The following BMP5 variants were observed in gnomAD, a reference collection of about 807,000 sequenced individuals.
BMP5 encodes bone morphogenetic protein 5.
Under a neutral mutation model 46.6 loss-of-function variants are expected in BMP5, and 23 were observed. The observed-to-expected ratio is 0.49, with a 90% CI of 0.35 to 0.70. The LOEUF (loss-of-function observed/expected upper bound fraction) is 0.70, where lower values mean the gene tolerates loss of function less well. Among genes scored for constraint, BMP5 ranks in the 30% least tolerant of loss-of-function variants. The pLI is 0.00. For synonymous variants in BMP5, 204 were observed against 191.9 expected, an observed-to-expected ratio of 1.06 and a Z score of -0.52; for missense variants, 545 against 565.6, an observed-to-expected ratio of 0.96 and a Z score of 0.37.
chr6:55,811,090 G>A (rs1776124801), intron 2 of BMP5, among the ~76,000 whole-genome samples: 1 of 152,200 alleles, frequency 6.6e-6, no homozygotes, highest in Non-Finnish European at 1.5e-5. Context: ...CCATCTGAGT[G>A]TCCTGTTCTG....
At chr6:55,846,352 G>T (rs551621441) in intron 1 of BMP5, among the ~76,000 whole-genome samples, 2 of 151,824 alleles carry the variant, frequency 1.3e-5, no homozygotes, top group Non-Finnish European at 2.9e-5. Context: ...TATTTTATTT[G>T]GTGTTATTGA....
At chr6:55,806,497 T>C (rs183969893) in intron 2 of BMP5, among the ~76,000 whole-genome samples, 75 of 152,286 alleles carry the variant, frequency 4.9e-4, no homozygotes, top group Non-Finnish European at 9.3e-4. Flanking sequence ...TGAAGTTAGG[T>C]AGCATGATGC....
At chr6:55,810,097 C>T (rs2127534887) in intron 2 of BMP5, among the ~76,000 whole-genome samples, 1 of 152,166 alleles carries the variant, frequency 6.6e-6, no homozygotes. Flanking sequence ...TTCAAAGTTT[C>T]CCTCATCAGC....
In BMP5 at chr6:55,820,717, G is replaced by GTTGTTTGT. The variant is rs3065793; in HGVS notation, c.491-878_491-871dup. Among the ~76,000 whole-genome samples, 911 of 151,348 alleles carry GTTGTTTGT rather than the reference G, an allele frequency of 6.0e-3. 6 individuals carry two copies. Among genetic ancestry groups the GTTGTTTGT allele is most frequent in the African/African-American group, 0.016 (666 of 41,020 alleles). ...ACTTGCATGAGCTACTCTGCCCCGT[G>GTTGTTTGT]TTGTTTGTTTGTTTGTTTGTTTGTT... On this transcript the variant is annotated intron_variant, in intron 1 of 6. Coordinates refer to ENST00000370830, the MANE Select transcript of BMP5 (RefSeq NM_021073.4).
chr6:55,787,515 T>C (rs1279131611), intron 3 of BMP5, among the ~76,000 whole-genome samples: 1 of 151,642 alleles, frequency 6.6e-6, no homozygotes, highest in Non-Finnish European at 1.5e-5. Context: ...ATTTAGGAAA[T>C]ATTACTGGAT....
chr6:55,774,462 C>A lies in BMP5; in HGVS notation c.833-219G>T, dbSNP rs115482728. Among the ~76,000 whole-genome samples, 879 of 152,012 alleles carry A rather than the reference C, an allele frequency of 5.8e-3. 9 individuals are homozygous for A. The highest frequency in any genetic ancestry group is 0.02 in the African/African-American group (826 of 41,498). On this transcript the variant is annotated intron_variant, in intron 3 of 6. Transcript: ENST00000370830. ...TGCATCATTCTTCCACCACAGAATA[C>A]CCTCCAGCTGCTTTCACTCACTGAG...
chr6:55,852,346 A>C (rs976967990), intron 1 of BMP5, among the ~76,000 whole-genome samples: 98 of 152,256 alleles, frequency 6.4e-4, no homozygotes, highest in African/African-American at 2.3e-3. Context: ...TAGTAAATCT[A>C]TATGCAAATA....
At chr6:55,761,067 T>C (rs191033485) in intron 4 of BMP5, among the ~76,000 whole-genome samples, 1 of 152,178 alleles carries the variant, frequency 6.6e-6, no homozygotes, top group Non-Finnish European at 1.5e-5. Flanking sequence ...GACTTCATTC[T>C]TGACTAATGG....
At chr6:55,829,928 TAAGCTTCTTTTTAAGGTATTAAAAAC>T (rs1488227344) in intron 1 of BMP5, among the ~76,000 whole-genome samples, 1 of 151,964 alleles carries the variant, frequency 6.6e-6, no homozygotes, top group Non-Finnish European at 1.5e-5. Context: ...TTATAATTTT[TAAGCTTCTTTTTAAGGTATTAAAAAC>T]ATTTGGTCCC....
At chr6:55,840,618 T>C (rs182191869) in intron 1 of BMP5, among the ~76,000 whole-genome samples, 1 of 152,320 alleles carries the variant, frequency 6.6e-6, no homozygotes, top group East Asian at 1.9e-4. Context: ...TTATTTAAAA[T>C]ACATCTTTAT....
rs140408431 is a variant in BMP5, at chr6:55,867,076, T to G, written c.490+7300A>C. ...AGATCCACTCTCCACATTTCCCTAT[T>G]CTGCTATTCTCACCAAAAGACTAAC... On this transcript the variant is annotated intron_variant, in intron 1 of 6. Coordinates refer to ENST00000370830, the MANE Select transcript of BMP5 (RefSeq NM_021073.4). Among the ~76,000 whole-genome samples, 20 of 152,262 alleles carry G rather than the reference T, an allele frequency of 1.3e-4. No homozygotes were observed. In the East Asian group the frequency reaches 3.7e-3, roughly 28 times the overall value.
rs892208521 is a variant in BMP5, at chr6:55,787,181, T to C, written c.832+7098A>G. On this transcript the variant is annotated intron_variant, in intron 3 of 6. Transcript: ENST00000370830. ...ACCTCTGACAACACAGAGGCTTAATTTGGAGCTCTTTCCCTGAGGTAAAAA... is the reference window on the plus strand; with the variant it reads ...ACCTCTGACAACACAGAGGCTTAATCTGGAGCTCTTTCCCTGAGGTAAAAA... Among the ~76,000 whole-genome samples, 7 of 151,640 alleles carry C rather than the reference T, an allele frequency of 4.6e-5. No individual in the cohort carries two copies. In the East Asian group the frequency reaches 7.8e-4, roughly 17 times the overall value.
chr6:55,830,523 C>T (rs188580353), intron 1 of BMP5, among the ~76,000 whole-genome samples: 1 of 152,168 alleles, frequency 6.6e-6, no homozygotes, highest in East Asian at 1.9e-4. Flanking sequence ...TTAAGATGCA[C>T]ACCTGGAAAC....
At chr6:55,870,594 A>T (rs1468898370) in intron 1 of BMP5, among the ~76,000 whole-genome samples, 2 of 152,086 alleles carry the variant, frequency 1.3e-5, no homozygotes, top group African/African-American at 4.8e-5. Context: ...TGTTGGAGAG[A>T]CTACATAGAT....
In BMP5 at chr6:55,760,529, A is replaced by G. The variant is rs763057630; in HGVS notation, c.1032T>C (p.Tyr344=). ...DSSRMSSVGD[Y]NTSEQKQACK... ...AGGCTTGTTTTTGCTCACTTGTGTT[A>G]TAATCTGAAGATAAAAACCACATTT... The change falls in exon 5 of 7, where the codon TAT becomes TAC. Residue 344 remains tyrosine, a synonymous_variant. Transcript: ENST00000370830. 2 of 1,612,832 alleles carry G rather than the reference A, an allele frequency of 1.2e-6. No individual in the cohort carries two copies. The highest frequency in any genetic ancestry group is 1.3e-5 in the African/African-American group (1 of 74,896).
rs1321519863 is a variant in BMP5 at position 55,826,704 on chromosome 6, A to C, written c.491-6857T>G. Reference sequence around the variant, plus strand: ...TTAATAATTAAATTAATAACAAATAAACAATTGTAGCAATAAATTAATTAA... The same window carrying C: ...TTAATAATTAAATTAATAACAAATACACAATTGTAGCAATAAATTAATTAA... On this transcript the variant is annotated intron_variant, in intron 1 of 6. Coordinates refer to ENST00000370830, the MANE Select transcript of BMP5 (RefSeq NM_021073.4). 2.6e-5 allele frequency among the ~76,000 whole-genome samples: 4 copies of C among 151,564 alleles called. No homozygotes were observed. In the East Asian group the frequency reaches 7.7e-4, roughly 29 times the overall value.
At chr6:55,837,034 GAA>G (rs1456297997) in intron 1 of BMP5, among the ~76,000 whole-genome samples, 5 of 151,442 alleles carry the variant, frequency 3.3e-5, no homozygotes, top group African/African-American at 1.2e-4. Flanking sequence ...TATGTAACTA[GAA>G]AAAGTTTTAA....
intron 2 of BMP5, among the ~76,000 whole-genome samples, chr6:55,815,340 C>T (rs1018704912): frequency 1.5e-4 from 23 of 151,950 alleles, no homozygotes; most frequent in Non-Finnish European, 3.1e-4. Flanking sequence ...AAAATGTGAA[C>T]TTGGTAGAAC....
chr6:55,819,555 A>T, intron 2 of BMP5, 100 bp downstream of exon 2: 1 of 1,026,772 alleles, frequency 9.7e-7, no homozygotes, highest in Non-Finnish European at 1.5e-6. Context: ...ATTGCCCCCA[A>T]AAAAATAATT....
Sources: gnomAD v4.1 joint callset for allele counts (sites outside exome capture counted in the v4.1 genomes callset) on GRCh38, gnomAD v4.1.1 for gene constraint, MANE v1.5 for transcripts, NCBI Gene and HGNC (gene_info 2026-07-23, HGNC 2026-07-21) for gene names.